Variants in KCNQ1 observed in about 807,000 individuals in gnomAD.
The protein encoded by KCNQ1 is potassium voltage-gated channel subfamily KQT member 1.
A neutral mutation model predicts 72.4 loss-of-function variants in KCNQ1; 49 were observed. The observed-to-expected ratio is 0.68, with a 90% confidence interval of 0.54 to 0.86. The LOEUF is 0.86. Among genes scored for constraint, KCNQ1 ranks in the 40% least tolerant of loss-of-function variants. The pLI is 0.00. For missense variants in KCNQ1, 790 were observed against 945.1 expected (o/e 0.84, Z 2.15); for synonymous variants, 450 against 412.6 (o/e 1.09, Z -1.10).
chr11:2,662,496 C>T (rs971119142), intron 11 of KCNQ1: 1 of 447,378 alleles, frequency 2.2e-6, no homozygotes, highest in South Asian at 6.8e-5. Flanking sequence ...TGCTGCTGTC[C>T]TCAGGGGCTC....
rs1220012218 is a variant in KCNQ1 at position 2,598,409 on chromosome 11, A to G, written c.1393+9555A>G. Among the ~76,000 whole-genome samples, 1 of 152,134 alleles carries G rather than the reference A, an allele frequency of 6.6e-6. No homozygotes were observed. The highest frequency in any genetic ancestry group is 1.5e-5 in the Non-Finnish European group (1 of 68,010). On this transcript the variant is annotated intron_variant, in intron 10 of 15. Coordinates refer to ENST00000155840, the MANE Select transcript of KCNQ1 (RefSeq NM_000218.3). This position sits in a 1 kb window ranked among gnomAD's most constrained non-coding sequence, Gnocchi z 6.2. ...AGCCTATGAAGTCTCCACTTTTTTT[A>G]AAATGAAGATTTTCTTTGTCTCCAA...
At position 2,624,231 on chromosome 11, in the gene KCNQ1, CTGTT is replaced by C. The variant is rs1329304587; in HGVS notation, c.1393+35378_1393+35381del. On this transcript the variant is annotated intron_variant, in intron 10 of 15. Transcript: ENST00000155840. The surrounding 1 kb of genome is among the most constrained non-coding windows in gnomAD (Gnocchi z 4.9). ...CTGTATATCTTCATTGGTGAGATGT[CTGTT>C]AAGGTCTTCAGTCCATTTTGTAATC... 1 of 398,402 alleles carries C rather than the reference CTGTT, an allele frequency of 2.5e-6. No homozygotes were observed. Among genetic ancestry groups the C allele is most frequent in the African/African-American group, 2.1e-5 (1 of 48,604 alleles). 24.7% of individuals were successfully genotyped at this position (398,402 alleles called of 1,614,324 possible).
intron 11 of KCNQ1, among the ~76,000 whole-genome samples, chr11:2,706,197 C>T (rs1349201684): frequency 2.0e-5 from 3 of 152,218 alleles, no homozygotes; most frequent in Non-Finnish European, 2.9e-5. Flanking sequence ...TGATTTGCTT[C>T]TTTCAAATAA....
intron 10 of KCNQ1, chr11:2,618,451 A>G (rs1242018506): frequency 2.5e-6 from 1 of 398,590 alleles, no homozygotes; most frequent in Non-Finnish European, 4.4e-6. Flanking sequence ...GTCATTTATG[A>G]GAGAGACTAT....
chr11:2,834,618 G>A (rs1848023325), intron 15 of KCNQ1, among the ~76,000 whole-genome samples: 1 of 152,242 alleles, frequency 6.6e-6, no homozygotes, highest in Non-Finnish European at 1.5e-5. Flanking sequence ...GAGGCAGGGA[G>A]GCGCTTGATG....
intron 11 of KCNQ1, chr11:2,684,765 C>T: frequency 2.5e-6 from 1 of 398,672 alleles, no homozygotes; most frequent in Non-Finnish European, 4.4e-6. Flanking sequence ...TAAGGGAGGA[C>T]TGCCTCCCAG....
In KCNQ1 at chr11:2,662,080, C is replaced by A; in HGVS notation, c.1513C>A (p.Gln505Lys). 1 of 1,614,234 alleles carries A rather than the reference C, an allele frequency of 6.2e-7. No homozygotes were observed. Among genetic ancestry groups the A allele is most frequent in the Non-Finnish European group, 8.5e-7 (1 of 1,180,050 alleles). Residue 505 changes from glutamine to lysine, a missense_variant and splice_region_variant, in exon 11 of 16, where the codon CAG becomes AAG. Physicochemically the swap from Gln to Lys is moderately conservative, Grantham distance 53. Around this residue, in one of 5 missense-constraint regions of KCNQ1, gnomAD observed 178 missense variants for 177.9 expected, o/e 1.00. Transcript: ENST00000155840. ...GCTGACACCCATCACCCACATCTCA[C>A]AGTGAGTGCCTACATGTGCGTGAAG... The part of the protein sequence containing the change: ...TLLTPITHIS[Q>K]LREHHRATIK...
Position 2,482,206 on chromosome 11 carries a change from A to G in KCNQ1, c.386+36722A>G, listed in dbSNP as rs752158829. Among the ~76,000 whole-genome samples, 2 of 151,838 alleles carry G rather than the reference A, an allele frequency of 1.3e-5. No individual in the cohort carries two copies. Among genetic ancestry groups the G allele is most frequent in the Non-Finnish European group, 2.9e-5 (2 of 67,952 alleles). ...TATCACTGCGTGTGTGTGTGTGTAT[A>G]TGTGTGTGTGTGCATACTTGCCTAT... On this transcript the variant is annotated intron_variant, in intron 1 of 15. Transcript: ENST00000155840. This position sits in a 1 kb window ranked among gnomAD's most constrained non-coding sequence, Gnocchi z 5.7.
At position 2,782,400 on chromosome 11, in the gene KCNQ1, A is replaced by G. The variant is rs1452601345; in HGVS notation, c.1794+4363A>G. Among the ~76,000 whole-genome samples, 1 of 152,248 alleles carries G rather than the reference A, an allele frequency of 6.6e-6. No individual in the cohort carries two copies. Among genetic ancestry groups the G allele is most frequent in the African/African-American group, 2.4e-5 (1 of 41,464 alleles). On this transcript the variant is annotated intron_variant, in intron 15 of 15. Coordinates refer to ENST00000155840, the MANE Select transcript of KCNQ1 (RefSeq NM_000218.3). The surrounding 1 kb of genome is among the most constrained non-coding windows in gnomAD (Gnocchi z 6.1). The stretch of plus-strand genomic sequence containing the variant: ...TTTATGTGTGAGATACATACATGAC[A>G]TAATTTTCCTGTCTTGTATGGTCTT...
intron 15 of KCNQ1, among the ~76,000 whole-genome samples, chr11:2,846,948 GAGA>G (rs1848341929): frequency 6.6e-6 from 1 of 152,242 alleles, no homozygotes. Context: ...ACCAGCCCCT[GAGA>G]AGGTGGAGGC....
intron 11 of KCNQ1, among the ~76,000 whole-genome samples, chr11:2,717,160 C>G (rs1337672907): frequency 6.6e-6 from 1 of 152,162 alleles, no homozygotes; most frequent in African/African-American, 2.4e-5. Context: ...GCAGGGCAGG[C>G]AATTCCACTG....
chr11:2,705,899 G>C (rs538561337), intron 11 of KCNQ1, among the ~76,000 whole-genome samples: 1 of 152,306 alleles, frequency 6.6e-6, no homozygotes, highest in South Asian at 2.1e-4. Context: ...ACTTGTAGAG[G>C]GTGAGGCTGC....
In KCNQ1 at chr11:2,828,250, G is replaced by A. The variant is rs1847878080; in HGVS notation, c.1795-19517G>A. On this transcript the variant is annotated intron_variant, in intron 15 of 15. Transcript: ENST00000155840. This position sits in a 1 kb window ranked among gnomAD's most constrained non-coding sequence, Gnocchi z 5.3. Reference sequence around the variant, plus strand: ...AGGACAGGAGATGGTGTCGTCAGGGGGCTGCTGGAAGGTTTGGTGACCGGA... The same window carrying A: ...AGGACAGGAGATGGTGTCGTCAGGGAGCTGCTGGAAGGTTTGGTGACCGGA... Among the ~76,000 whole-genome samples the A allele has an allele frequency of 6.6e-6, 1 of 152,196 alleles. No individual in the cohort carries two copies. The highest frequency in any genetic ancestry group is 1.5e-5 in the Non-Finnish European group (1 of 68,032).
Position 2,687,223 on chromosome 11 carries a change from A to G in KCNQ1, c.1514+25142A>G, listed in dbSNP as rs926062675. 4 of 398,478 alleles carry G rather than the reference A, an allele frequency of 1.0e-5. No homozygotes were observed. Among genetic ancestry groups the G allele is most frequent in the East Asian group, 3.6e-5 (1 of 28,082 alleles). The allele number at this position is 398,478 out of a possible 1,614,324, so 24.7% of individuals were successfully genotyped here. On this transcript the variant is annotated intron_variant, in intron 11 of 15. Coordinates refer to ENST00000155840, the MANE Select transcript of KCNQ1 (RefSeq NM_000218.3). This position sits in a 1 kb window ranked among gnomAD's most constrained non-coding sequence, Gnocchi z 5.0. ...AGCATCACACTGTTGGGAAATGTGC[A>G]ATTTTCACTCAGCCAGCATCACTAC...
At chr11:2,838,198 A>G (rs774651005) in intron 15 of KCNQ1, among the ~76,000 whole-genome samples, 2 of 152,252 alleles carry the variant, frequency 1.3e-5, no homozygotes, top group African/African-American at 2.4e-5. Context: ...GGATGGAAGG[A>G]AGCCAGACTG....
chr11:2,676,722 T>G lies in KCNQ1; in HGVS notation c.1514+14641T>G, dbSNP rs1311440550. 2 of 398,560 alleles carry G rather than the reference T, an allele frequency of 5.0e-6. No homozygotes were observed. Among genetic ancestry groups the G allele is most frequent in the East Asian group, 7.1e-5 (2 of 28,092 alleles). 24.7% of individuals were successfully genotyped at this position (398,560 alleles called of 1,614,324 possible). A position where few individuals can be genotyped will look rare whatever the true frequency, so the allele number is the denominator to read the frequency against. On this transcript the variant is annotated intron_variant, in intron 11 of 15. Transcript: ENST00000155840. The surrounding 1 kb of genome is among the most constrained non-coding windows in gnomAD (Gnocchi z 4.2). ...CCTGGCAGGAGATAACCAAGTCATA[T>G]GCATAGTGGCTTTGGGTACGATGGT...
At chr11:2,708,668 GCAGCCT>G (rs746260927) in intron 11 of KCNQ1, among the ~76,000 whole-genome samples, 4 of 152,168 alleles carry the variant, frequency 2.6e-5, no homozygotes, top group Non-Finnish European at 4.4e-5. Flanking sequence ...AGGGTTTCAG[GCAGCCT>G]CAGCTCTTAG....
intron 2 of KCNQ1, among the ~76,000 whole-genome samples, chr11:2,548,187 G>C (rs1160293452): frequency 6.6e-6 from 1 of 152,190 alleles, no homozygotes; most frequent in Non-Finnish European, 1.5e-5. Flanking sequence ...GCTCAGACCC[G>C]AGGTCCCAGG....
intron 11 of KCNQ1, chr11:2,666,707 T>C: frequency 5.0e-6 from 2 of 398,704 alleles, no homozygotes; most frequent in Non-Finnish European, 8.8e-6. Context: ...GACATCCAGG[T>C]CCACTGTGAC....
Sources: gnomAD v4.1 joint callset for allele counts (sites outside exome capture counted in the v4.1 genomes callset) on GRCh38, gnomAD v4.1.1 for gene constraint, gnomAD v4.1.1 regional missense constraint, Gnocchi (gnomAD v3.1) non-coding constraint, MANE v1.5 for transcripts, NCBI Gene and HGNC (gene_info 2026-07-23, HGNC 2026-07-21) for gene names.